Variants in DGKI observed in about 807,000 individuals in gnomAD.
DGKI encodes the protein DAG kinase iota.
Under a neutral mutation model 147.5 loss-of-function variants are expected in DGKI, and 55 were observed. That is an observed-to-expected ratio of 0.37 (90% CI 0.30 to 0.47). DGKI has a LOEUF of 0.47. Ranked by LOEUF, DGKI falls within the 20% of genes least tolerant of loss-of-function variation. The pLI is 1.00. For missense variants in DGKI, 1,007 were observed against 1,323.8 expected, an observed-to-expected ratio of 0.76 and a Z score of 3.71; for synonymous variants, 469 against 477.1, an observed-to-expected ratio of 0.98 and a Z score of 0.22.
At chr7:137,820,414 G>A (rs1797862940) in intron 1 of DGKI, among the ~76,000 whole-genome samples, 1 of 152,140 alleles carries the variant, frequency 6.6e-6, no homozygotes, top group African/African-American at 2.4e-5. Flanking sequence ...CCACAGCTCT[G>A]GCAGAGACCC....
intron 21 of DGKI, among the ~76,000 whole-genome samples, chr7:137,496,784 T>C (rs375866752): frequency 7.2e-5 from 11 of 152,070 alleles, no homozygotes; most frequent in Admixed American, 2.0e-4. Context: ...TTATACTATA[T>C]ACAAAAATCA....
chr7:137,722,197 A>G, intron 1 of DGKI: 1 of 1,601,312 alleles, frequency 6.2e-7, no homozygotes, highest in East Asian at 2.2e-5. Flanking sequence ...CATGTACAAG[A>G]GGAAGTACTC....
chr7:137,627,698 C>T (rs1050348241), intron 6 of DGKI, among the ~76,000 whole-genome samples: 2 of 152,160 alleles, frequency 1.3e-5, no homozygotes, highest in African/African-American at 4.8e-5. Flanking sequence ...TAGAGGTCTG[C>T]TAAATGTTAC....
intron 1 of DGKI, among the ~76,000 whole-genome samples, chr7:137,728,102 G>T (rs1794763790): frequency 6.6e-6 from 1 of 152,196 alleles, no homozygotes. Flanking sequence ...CTTGAACATG[G>T]TTTTCTGCAG....
intron 31 of DGKI, among the ~76,000 whole-genome samples, chr7:137,396,314 G>A (rs1367375732): frequency 2.0e-5 from 3 of 152,212 alleles, no homozygotes; most frequent in Non-Finnish European, 4.4e-5. Context: ...GAGTTTGAGA[G>A]CCAGGGCTCT....
At chr7:137,728,670 CT>C (rs1016658846) in intron 1 of DGKI, among the ~76,000 whole-genome samples, 2 of 152,168 alleles carry the variant, frequency 1.3e-5, no homozygotes, top group African/African-American at 4.8e-5. Context: ...ATCATTTCCT[CT>C]TGTCTAACCA....
chr7:137,655,880 C>T (rs1425056765), intron 4 of DGKI, among the ~76,000 whole-genome samples: 1 of 152,192 alleles, frequency 6.6e-6, no homozygotes, highest in African/African-American at 2.4e-5. Context: ...TGGAGCCTTT[C>T]CCATCCCCTA....
intron 22 of DGKI, among the ~76,000 whole-genome samples, chr7:137,486,471 G>A (rs1223175577): frequency 6.6e-6 from 1 of 152,084 alleles, no homozygotes; most frequent in Non-Finnish European, 1.5e-5. Context: ...GATACTAGAA[G>A]TTTGGGAACA....
chr7:137,729,410 A>G (rs1184763333), intron 1 of DGKI, among the ~76,000 whole-genome samples: 1 of 152,170 alleles, frequency 6.6e-6, no homozygotes, highest in African/African-American at 2.4e-5. Context: ...GAAACTACCC[A>G]GAAATAAGGG....
chr7:137,748,429 A>G, intron 1 of DGKI, among the ~76,000 whole-genome samples: 1 of 152,254 alleles, frequency 6.6e-6, no homozygotes, highest in East Asian at 1.9e-4. Context: ...AGTAATCATT[A>G]TTACATAGTA....
intron 12 of DGKI, among the ~76,000 whole-genome samples, chr7:137,589,733 G>T (rs1819540951): frequency 1.3e-5 from 2 of 152,116 alleles, no homozygotes; most frequent in South Asian, 4.1e-4. Context: ...CAACAGCCCT[G>T]AATAGAGCCA....
At chr7:137,668,655 A>T (rs1563141519) in intron 3 of DGKI, among the ~76,000 whole-genome samples, 1 of 152,208 alleles carries the variant, frequency 6.6e-6, no homozygotes, top group Non-Finnish European at 1.5e-5. Flanking sequence ...GTAGTGTTGG[A>T]GACAGATAAA....
At chr7:137,845,265 G>A (rs537342612) in intron 1 of DGKI, among the ~76,000 whole-genome samples, 14 of 152,256 alleles carry the variant, frequency 9.2e-5, no homozygotes, top group African/African-American at 3.1e-4. Flanking sequence ...CAGGCCAGGC[G>A]ATGTCTATGG....
chr7:137,720,381 C>G (rs1007915116), intron 1 of DGKI, among the ~76,000 whole-genome samples: 10 of 151,756 alleles, frequency 6.6e-5, no homozygotes, highest in Non-Finnish European at 1.2e-4. Flanking sequence ...CCTCAGCCCC[C>G]CGAGTGGCTG....
At chr7:137,613,555 G>A (rs1039540719) in intron 8 of DGKI, among the ~76,000 whole-genome samples, 1 of 151,926 alleles carries the variant, frequency 6.6e-6, no homozygotes, top group Non-Finnish European at 1.5e-5. Flanking sequence ...TACATTTCAT[G>A]GGTTCCCAGT....
intron 1 of DGKI, among the ~76,000 whole-genome samples, chr7:137,742,266 C>T (rs976317488): frequency 1.3e-5 from 2 of 152,088 alleles, no homozygotes; most frequent in Non-Finnish European, 2.9e-5. Context: ...ACTTCCATTC[C>T]AATTCTGTCA....
chr7:137,463,743 T>G, intron 26 of DGKI, 132 bp from the exon 27 acceptor site: 1 of 937,184 alleles, frequency 1.1e-6, no homozygotes, highest in Non-Finnish European at 1.6e-6. Flanking sequence ...GTTTACCAGA[T>G]ACTACCCATT....
At chr7:137,744,674 A>T (rs931721775) in intron 1 of DGKI, among the ~76,000 whole-genome samples, 1 of 152,184 alleles carries the variant, frequency 6.6e-6, no homozygotes, top group Admixed American at 6.5e-5. Flanking sequence ...ATCCAGCAGC[A>T]TATCAAAAAG....
chr7:137,580,841 A>C (rs562717698), intron 15 of DGKI, among the ~76,000 whole-genome samples: 1 of 152,238 alleles, frequency 6.6e-6, no homozygotes, highest in East Asian at 1.9e-4. Context: ...AAAATTCTAA[A>C]CACCACTTCC....
Sources: gnomAD v4.1 joint callset for allele counts (sites outside exome capture counted in the v4.1 genomes callset) on GRCh38, gnomAD v4.1.1 for gene constraint, MANE v1.5 for transcripts, NCBI Gene and HGNC (gene_info 2026-07-23, HGNC 2026-07-21) for gene names.